AUTS2: variants seen among roughly 807,000 people sequenced by gnomAD.
AUTS2 encodes the protein activator of transcription and developmental regulator AUTS2, also known as autism susceptibility gene 2 protein.
A neutral mutation model predicts 112.4 loss-of-function variants in AUTS2; 17 were observed. That is an observed-to-expected ratio of 0.15 (90% CI 0.10 to 0.23). AUTS2 has a LOEUF of 0.23. AUTS2 is among the 10% of genes least tolerant of loss of function. The pLI is 1.00. For missense variants in AUTS2, 1,510 were observed against 1,701.6 expected, an observed-to-expected ratio of 0.89 and a Z score of 1.98; for synonymous variants, 751 against 702.7, an observed-to-expected ratio of 1.07 and a Z score of -1.09.
intron 5 of AUTS2, among the ~76,000 whole-genome samples, chr7:70,654,949 C>T (rs1806692238): frequency 6.6e-6 from 1 of 152,192 alleles, no homozygotes; most frequent in Non-Finnish European, 1.5e-5. Flanking sequence ...CCAAGAAGTG[C>T]AACTATGTGA....
chr7:70,274,086 C>A (rs1055299847), intron 4 of AUTS2, among the ~76,000 whole-genome samples: 1 of 152,040 alleles, frequency 6.6e-6, no homozygotes, highest in East Asian at 1.9e-4. Flanking sequence ...TAAGCTGTTG[C>A]GTTTTGTACA....
At chr7:70,278,627 GTACATGCATACA>G (rs943010856) in intron 4 of AUTS2, among the ~76,000 whole-genome samples, 2 of 144,902 alleles carry the variant, frequency 1.4e-5, no homozygotes, top group African/African-American at 2.5e-5. Flanking sequence ...ACATACATAT[GTACATGCATACA>G]TACATGCATA....
chr7:70,764,730 CT>C (rs1428187015), intron 7 of AUTS2, 21 bp from the exon 8 acceptor site: 6 of 718,570 alleles, frequency 8.3e-6, no homozygotes, highest in East Asian at 2.7e-5. Flanking sequence ...TTTTTCTTTT[CT>C]TTTTTTTCTT....
At chr7:70,691,434 AC>A (rs1411641125) in intron 5 of AUTS2, among the ~76,000 whole-genome samples, 1 of 150,678 alleles carries the variant, frequency 6.6e-6, no homozygotes, top group Admixed American at 6.6e-5. Context: ...AAAAAAAAAA[AC>A]AATCTTCCTG....
At chr7:69,664,809 T>G (rs992174955) in intron 1 of AUTS2, among the ~76,000 whole-genome samples, 4 of 152,232 alleles carry the variant, frequency 2.6e-5, no homozygotes, top group African/African-American at 4.8e-5. Flanking sequence ...ATTGTCTTTT[T>G]CTTCCACCTG....
chr7:70,109,835 C>G (rs1029850600), intron 2 of AUTS2, among the ~76,000 whole-genome samples: 13 of 152,142 alleles, frequency 8.5e-5, no homozygotes, highest in African/African-American at 3.1e-4. Context: ...TTAGAATGCC[C>G]TTGCTGAGAG....
chr7:69,705,176 C>T (rs1798009178), intron 1 of AUTS2, among the ~76,000 whole-genome samples: 1 of 152,198 alleles, frequency 6.6e-6, no homozygotes, highest in African/African-American at 2.4e-5. Flanking sequence ...CTCCTTATGT[C>T]TTCTATGCCT....
rs181092133 is a variant in AUTS2, at chr7:70,266,910, G to A, written c.660+132339G>A. Among the ~76,000 whole-genome samples, 22 of 152,266 alleles carry A rather than the reference G, an allele frequency of 1.4e-4. 1 individual carries two copies. The highest frequency in any genetic ancestry group is 5.8e-4 in the East Asian group (3 of 5,178). On this transcript the variant is annotated intron_variant, in intron 4 of 18. Transcript: ENST00000342771. Reference sequence around the variant, plus strand: ...TCTGCACTTCCATGTTGTGTTACCCGCTTTGGGCCATGGCCCATTTGCCAG... The same window carrying A: ...TCTGCACTTCCATGTTGTGTTACCCACTTTGGGCCATGGCCCATTTGCCAG...
At chr7:70,148,177 A>G (rs940039757) in intron 4 of AUTS2, among the ~76,000 whole-genome samples, 6 of 152,094 alleles carry the variant, frequency 3.9e-5, no homozygotes, top group Middle Eastern at 3.2e-3. Context: ...AGGAAGGCCA[A>G]TTTTTACTGA....
intron 5 of AUTS2, among the ~76,000 whole-genome samples, chr7:70,604,089 C>A (rs930707797): frequency 2.6e-5 from 4 of 152,216 alleles, no homozygotes; most frequent in African/African-American, 9.6e-5. Context: ...CACCAAACCA[C>A]TCAATAAATA....
intron 4 of AUTS2, among the ~76,000 whole-genome samples, chr7:70,222,667 T>G (rs6948676): frequency 0.22 from 34,049 of 151,632 alleles, 3,792 homozygotes; most frequent in Middle Eastern, 0.33. Flanking sequence ...CTCTGCAATG[T>G]TAGGAAATGA....
intron 2 of AUTS2, among the ~76,000 whole-genome samples, chr7:69,978,888 ACACACACACACACG>A (rs1220503824): frequency 4.0e-5 from 6 of 149,518 alleles, no homozygotes; most frequent in African/African-American, 7.5e-5. Flanking sequence ...ACACACACAC[ACACACACACACACG>A]CACACACGCA....
At chr7:69,960,282 A>C (rs1797377979) in intron 2 of AUTS2, among the ~76,000 whole-genome samples, 1 of 152,190 alleles carries the variant, frequency 6.6e-6, no homozygotes, top group African/African-American at 2.4e-5. Context: ...ACAATTTTCC[A>C]GAGGGAGAGC....
chr7:70,118,878 T>C (rs760386661), intron 3 of AUTS2: 1 of 152,236 alleles, frequency 6.6e-6, no homozygotes, highest in African/African-American at 2.4e-5. Flanking sequence ...GTGATTTTCA[T>C]TGTTCTCTAG....
chr7:70,496,688 C>T (rs1219847966), intron 5 of AUTS2, among the ~76,000 whole-genome samples: 1 of 146,524 alleles, frequency 6.8e-6, no homozygotes, highest in Non-Finnish European at 1.5e-5. Context: ...ACCCCACTCA[C>T]ACCACGTACA....
intron 5 of AUTS2, among the ~76,000 whole-genome samples, chr7:70,647,384 A>G (rs1806230082): frequency 6.6e-6 from 1 of 152,196 alleles, no homozygotes; most frequent in South Asian, 2.1e-4. Context: ...ATGTGCCTGG[A>G]CAAGATGACC....
chr7:69,965,868 G>A (rs964694414), intron 2 of AUTS2, among the ~76,000 whole-genome samples: 1 of 152,136 alleles, frequency 6.6e-6, no homozygotes, highest in African/African-American at 2.4e-5. Flanking sequence ...GTCAATCTCA[G>A]TGTGAAGTTT....
intron 5 of AUTS2, among the ~76,000 whole-genome samples, chr7:70,579,810 T>C (rs527380233): frequency 4.6e-5 from 7 of 152,286 alleles, no homozygotes; most frequent in Admixed American, 1.3e-4. Context: ...GAGGAGAGGT[T>C]TTTGGACCCA....
intron 4 of AUTS2, among the ~76,000 whole-genome samples, chr7:70,152,833 A>T (rs997626110): frequency 1.3e-5 from 2 of 152,186 alleles, no homozygotes; most frequent in East Asian, 3.8e-4. Context: ...ACACCTATTA[A>T]AATGGCTAAA....
Sources: allele counts gnomAD v4.1 joint callset (sites outside exome capture counted in the v4.1 genomes callset), GRCh38; gene constraint gnomAD v4.1.1; transcripts MANE v1.5; gene names NCBI Gene and HGNC (gene_info 2026-07-23, HGNC 2026-07-21).